Variants in TAFA2 observed in about 807,000 individuals in gnomAD.
TAFA2 encodes the protein TAFA chemokine like family member 2.
A neutral mutation model predicts 18.8 loss-of-function variants in TAFA2; 7 were observed. That is an observed-to-expected ratio of 0.37 (90% CI 0.21 to 0.70). The LOEUF is 0.70. Ranked by LOEUF, TAFA2 falls within the 30% of genes least tolerant of loss-of-function variation. The pLI is 0.53. For missense variants in TAFA2, 122 were observed against 158.1 expected, an observed-to-expected ratio of 0.77 and a Z score of 1.23; for synonymous variants, 60 against 54.2, an observed-to-expected ratio of 1.11 and a Z score of -0.47.
chr12:62,180,079 A>C (rs999358309), intron 1 of TAFA2, among the ~76,000 whole-genome samples: 5 of 152,226 alleles, frequency 3.3e-5, no homozygotes, highest in Admixed American at 2.6e-4. Flanking sequence ...CAGTTTTCCT[A>C]GTAGTGTAAC....
chr12:62,026,010 A>G (rs1881300465), intron 1 of TAFA2, among the ~76,000 whole-genome samples: 1 of 152,176 alleles, frequency 6.6e-6, no homozygotes, highest in Non-Finnish European at 1.5e-5. Context: ...TATATATTTT[A>G]GTACATGCAG....
At chr12:61,837,823 G>A (rs1173171839) in intron 2 of TAFA2, among the ~76,000 whole-genome samples, 1 of 152,004 alleles carries the variant, frequency 6.6e-6, no homozygotes, top group African/African-American at 2.4e-5. Context: ...TAAGCATTAT[G>A]AAGAAGTGCA....
intron 1 of TAFA2, chr12:61,880,292 C>T (rs1167667169): frequency 4.2e-6 from 2 of 479,662 alleles, no homozygotes; most frequent in Non-Finnish European, 8.3e-6. Context: ...GATCAAGGGC[C>T]TCAAAGGCCA....
At chr12:61,911,024 A>G (rs1876587646) in intron 1 of TAFA2, among the ~76,000 whole-genome samples, 1 of 152,180 alleles carries the variant, frequency 6.6e-6, no homozygotes, top group African/African-American at 2.4e-5. Flanking sequence ...GAAGAGTTAC[A>G]TCATGTACAG....
chr12:61,725,318 C>T (rs945671349), intron 4 of TAFA2, among the ~76,000 whole-genome samples: 4 of 151,838 alleles, frequency 2.6e-5, no homozygotes, highest in Non-Finnish European at 4.4e-5. Context: ...TTTGTTTTTG[C>T]CACATTTGCT....
chr12:62,162,712 C>T (rs117018603), intron 1 of TAFA2, among the ~76,000 whole-genome samples: 1 of 152,128 alleles, frequency 6.6e-6, no homozygotes, highest in Non-Finnish European at 1.5e-5. Context: ...GACTGGGATT[C>T]CCCATTGATA....
At chr12:61,988,522 A>G (rs1246993229) in intron 1 of TAFA2, among the ~76,000 whole-genome samples, 1 of 152,176 alleles carries the variant, frequency 6.6e-6, no homozygotes, top group Non-Finnish European at 1.5e-5. Context: ...GACCTTAAGA[A>G]GCAGAGCACA....
chr12:62,069,603 C>G (rs1882575963), intron 1 of TAFA2, among the ~76,000 whole-genome samples: 1 of 152,100 alleles, frequency 6.6e-6, no homozygotes, highest in Non-Finnish European at 1.5e-5. Flanking sequence ...AAAGGTTGAG[C>G]AGTTCAAAAG....
chr12:61,822,276 C>A (rs1329637457), intron 2 of TAFA2, among the ~76,000 whole-genome samples: 1 of 152,042 alleles, frequency 6.6e-6, no homozygotes, highest in Non-Finnish European at 1.5e-5. Flanking sequence ...GTAACCTGAG[C>A]ACCGCAGGTT....
chr12:62,178,171 A>C (rs1015881578), intron 1 of TAFA2, among the ~76,000 whole-genome samples: 3 of 152,222 alleles, frequency 2.0e-5, no homozygotes, highest in Non-Finnish European at 4.4e-5. Context: ...ATGGTGGTGC[A>C]AGTCTGTAGT....
intron 2 of TAFA2, among the ~76,000 whole-genome samples, chr12:61,797,052 C>T (rs1871217010): frequency 6.6e-6 from 1 of 152,166 alleles, no homozygotes; most frequent in African/African-American, 2.4e-5. Context: ...AAGAGTAAAT[C>T]TTGGTAAGTA....
At chr12:61,865,686 A>G (rs11831256) in intron 2 of TAFA2, among the ~76,000 whole-genome samples, 3,071 of 152,350 alleles carry the variant, frequency 0.02, 83 homozygotes, top group African/African-American at 0.069. Context: ...TAGCTTTAAC[A>G]ATAGTATGCA....
chr12:61,901,194 T>C (rs1876082868), intron 1 of TAFA2, among the ~76,000 whole-genome samples: 1 of 152,198 alleles, frequency 6.6e-6, no homozygotes, highest in Admixed American at 6.5e-5. Context: ...TTTGTATATT[T>C]TCTAAGAATA....
chr12:61,856,327 T>C (rs1177431491), intron 2 of TAFA2, among the ~76,000 whole-genome samples: 1 of 151,994 alleles, frequency 6.6e-6, no homozygotes, highest in East Asian at 1.9e-4. Context: ...ATAAAAACAG[T>C]GTCTACTAAT....
At chr12:61,922,604 G>A (rs143382547) in intron 1 of TAFA2, among the ~76,000 whole-genome samples, 3,578 of 152,312 alleles carry the variant, frequency 0.023, 157 homozygotes, top group African/African-American at 0.081. Context: ...GCAACCCGCA[G>A]ACCAGGAGAT....
intron 4 of TAFA2, among the ~76,000 whole-genome samples, chr12:61,716,304 C>G (rs1869656081): frequency 6.6e-6 from 1 of 152,152 alleles, no homozygotes; most frequent in Admixed American, 6.5e-5. Flanking sequence ...CAGCTACCAT[C>G]AGACTTTGCA....
At chr12:61,929,565 A>T (rs1877463362) in intron 1 of TAFA2, among the ~76,000 whole-genome samples, 1 of 152,070 alleles carries the variant, frequency 6.6e-6, no homozygotes, top group Non-Finnish European at 1.5e-5. Context: ...TGGGACTGTA[A>T]ACTAGTTCAA....
At chr12:61,922,487 G>A (rs1565682340) in intron 1 of TAFA2, among the ~76,000 whole-genome samples, 1 of 152,186 alleles carries the variant, frequency 6.6e-6, no homozygotes. Flanking sequence ...CACCCAAGAA[G>A]TGCAAGGGGT....
intron 1 of TAFA2, among the ~76,000 whole-genome samples, chr12:62,257,554 C>A (rs1267447742): frequency 6.6e-6 from 1 of 152,144 alleles, no homozygotes; most frequent in African/African-American, 2.4e-5. Context: ...CCTAGAGAAT[C>A]TCTAATTTCA....
Sources: allele counts gnomAD v4.1 joint callset (sites outside exome capture counted in the v4.1 genomes callset), GRCh38; gene constraint gnomAD v4.1.1; transcripts MANE v1.5; gene names NCBI Gene and HGNC (gene_info 2026-07-23, HGNC 2026-07-21).